EDARADD: variants seen among roughly 807,000 people sequenced by gnomAD.
EDARADD encodes ectodysplasin-A receptor-associated adapter protein.
EDARADD carries 20 observed loss-of-function variants against 25.6 expected under a neutral mutation model. The observed-to-expected ratio is 0.78, with a 90% CI of 0.55 to 1.14. The LOEUF (loss-of-function observed/expected upper bound fraction) is 1.14. Ranked by LOEUF, EDARADD falls within the 50% of genes most tolerant of loss-of-function variation. The pLI, the probability that EDARADD is intolerant of heterozygous loss-of-function variation, is 0.00. For missense variants in EDARADD, 225 were observed against 270.1 expected (o/e 0.83, Z 1.17); for synonymous variants, 86 against 94.4 (o/e 0.91, Z 0.52).
chr1:236,360,537 G>GATTTTTTTTT (rs1558100082), intron 3 of EDARADD, among the ~76,000 whole-genome samples: 1 of 131,266 alleles, frequency 7.6e-6, no homozygotes, highest in Non-Finnish European at 1.6e-5. Context: ...TTAATTCACG[G>GATTTTTTTTT]TTTTTTTTTT....
At chr1:236,380,485 G>A (rs903735430) in intron 3 of EDARADD, among the ~76,000 whole-genome samples, 1 of 152,004 alleles carries the variant, frequency 6.6e-6, no homozygotes, top group African/African-American at 2.4e-5. Flanking sequence ...GGACAGGGAA[G>A]GTCAAGACTT....
At chr1:236,467,044 C>T (rs937173439) in intron 4 of EDARADD, among the ~76,000 whole-genome samples, 16 of 151,078 alleles carry the variant, frequency 1.1e-4, no homozygotes, top group African/African-American at 2.7e-4. Flanking sequence ...CCAGCCTGGG[C>T]GACAGAGCAA....
chr1:236,464,441 T>TTTA (rs563835939), intron 4 of EDARADD, among the ~76,000 whole-genome samples: 4 of 126,370 alleles, frequency 3.2e-5, no homozygotes, highest in East Asian at 2.5e-4. Context: ...TTTTTTTTTT[T>TTTA]TTTTTTTTTG....
chr1:236,351,604 G>A (rs967707858), intron 3 of EDARADD, among the ~76,000 whole-genome samples: 3 of 151,946 alleles, frequency 2.0e-5, no homozygotes, highest in Admixed American at 6.6e-5. Context: ...CAGCTACTCG[G>A]GAGGCTGAGG....
At chr1:236,427,900 TTTA>T (rs1429580242) in intron 4 of EDARADD, among the ~76,000 whole-genome samples, 2 of 151,864 alleles carry the variant, frequency 1.3e-5, no homozygotes, top group African/African-American at 4.8e-5. Context: ...AGGAAATATG[TTTA>T]TTGTTTTATG....
rs377735780 is a variant in EDARADD at position 236,444,676 on chromosome 1, G to A, written c.219+17226G>A. 1.4e-4 allele frequency among the ~76,000 whole-genome samples: 21 copies of A among 152,216 alleles called. No individual in the cohort carries two copies. In the South Asian group the frequency reaches 2.3e-3, roughly 17 times the overall value. ...TGACCTCAGGTGATCCGCCCAACTCGGTCTCCCAAAGTGCTGGGATTATAG... is the reference window on the plus strand; with the variant it reads ...TGACCTCAGGTGATCCGCCCAACTCAGTCTCCCAAAGTGCTGGGATTATAG... On this transcript the variant is annotated intron_variant, in intron 4 of 5. Transcript: ENST00000334232.
At chr1:236,431,156 G>C (rs1252800881) in intron 4 of EDARADD, among the ~76,000 whole-genome samples, 3 of 152,108 alleles carry the variant, frequency 2.0e-5, no homozygotes, top group African/African-American at 7.2e-5. Context: ...CAAGCTGGAA[G>C]TATGTTCTTT....
At chr1:236,405,874 C>CTTCTTTCTTTCTTTCTTTCT (rs869205931) in intron 1 of EDARADD, among the ~76,000 whole-genome samples, 50 of 30,900 alleles carry the variant, frequency 1.6e-3, no homozygotes, top group East Asian at 6.8e-3. Context: ...TCCTTCCTTC[C>CTTCTTTCTTTCTTTCTTTCT]TTCTTTCTTT....
chr1:236,473,705 A>G (rs539992169), intron 5 of EDARADD, among the ~76,000 whole-genome samples: 1 of 151,512 alleles, frequency 6.6e-6, no homozygotes, highest in South Asian at 2.2e-4. Flanking sequence ...GCGTTGTTTG[A>G]ACCCGGGAGG....
chr1:236,374,614 G>A (rs1433913046), intron 3 of EDARADD, among the ~76,000 whole-genome samples: 1 of 152,024 alleles, frequency 6.6e-6, no homozygotes, highest in Non-Finnish European at 1.5e-5. Context: ...ATTAAGGATT[G>A]TTATGTCTTC....
chr1:236,475,760 G>A (rs1241123336), intron 5 of EDARADD, among the ~76,000 whole-genome samples: 2 of 150,914 alleles, frequency 1.3e-5, no homozygotes, highest in Admixed American at 6.6e-5. Flanking sequence ...GCAAGACTCC[G>A]TCTCAAAAAA....
At position 236,363,209 on chromosome 1, in the gene EDARADD, T is replaced by C. The variant is rs541219900; in HGVS notation, c.-6+12370T>C. Among the ~76,000 whole-genome samples, 18 of 150,974 alleles carry C rather than the reference T, an allele frequency of 1.2e-4. No homozygotes were observed. In the South Asian group the frequency reaches 2.7e-3, roughly 23 times the overall value. On this transcript the variant is annotated intron_variant, in intron 3 of 7. Transcript: ENST00000439430. ...TTTCTGACATCTCTACTCTCTTTCATTGATCCATGTGTCAATTTTTGTTTG... is the reference window on the plus strand; with the variant it reads ...TTTCTGACATCTCTACTCTCTTTCACTGATCCATGTGTCAATTTTTGTTTG...
At chr1:236,373,317 T>A (rs952624336) in intron 3 of EDARADD, among the ~76,000 whole-genome samples, 1 of 152,118 alleles carries the variant, frequency 6.6e-6, no homozygotes, top group African/African-American at 2.4e-5. Flanking sequence ...GCGATTCTCC[T>A]GCCTCAGCCT....
At chr1:236,369,895 T>G (rs1667156376) in intron 3 of EDARADD, among the ~76,000 whole-genome samples, 1 of 152,148 alleles carries the variant, frequency 6.6e-6, no homozygotes, top group African/African-American at 2.4e-5. Flanking sequence ...TCCTTGATGT[T>G]ATCATACTTC....
intron 3 of EDARADD, among the ~76,000 whole-genome samples, chr1:236,357,327 C>T (rs1406943622): frequency 6.6e-6 from 1 of 152,050 alleles, no homozygotes; most frequent in African/African-American, 2.4e-5. Flanking sequence ...GTTTGTGTTT[C>T]TATAAAGGAA....
At chr1:236,368,978 A>G (rs1227402352) in intron 3 of EDARADD, among the ~76,000 whole-genome samples, 1 of 152,094 alleles carries the variant, frequency 6.6e-6, no homozygotes, top group African/African-American at 2.4e-5. Flanking sequence ...ACAAATTTTT[A>G]GAGACAGAGT....
chr1:236,484,158 GT>G lies in EDARADD; in HGVS notation c.*1510del. The G allele has an allele frequency of 7.6e-7, 1 of 1,323,884 alleles. No individual in the cohort carries two copies. The highest frequency in any genetic ancestry group is 1.7e-5 in the Admixed American group (1 of 59,452). The allele number at this position is 1,323,884 out of a possible 1,614,324, so 82.0% of individuals were successfully genotyped here. ...CAACCCAAAGAGGACAGCCTCGGCC[GT>G]GAATGAGAAGAAGTGCAACTGCCTC... On this transcript the variant is annotated 3_prime_UTR_variant, in exon 6 of 6. Transcript: ENST00000334232. The surrounding 1 kb of genome is among the most constrained non-coding windows in gnomAD (Gnocchi z 4.1).
chr1:236,437,972 T>C (rs1407190292), intron 4 of EDARADD, among the ~76,000 whole-genome samples: 1 of 152,148 alleles, frequency 6.6e-6, no homozygotes, highest in Non-Finnish European at 1.5e-5. Flanking sequence ...GGTCTTGAAC[T>C]CCTGACCTCA....
chr1:236,463,372 C>A (rs1478865207), intron 4 of EDARADD, among the ~76,000 whole-genome samples: 1 of 152,214 alleles, frequency 6.6e-6, no homozygotes, highest in African/African-American at 2.4e-5. Context: ...TGGTTCACTG[C>A]AACCTCCGCC....
Sources: gnomAD v4.1 joint callset for allele counts (sites outside exome capture counted in the v4.1 genomes callset) on GRCh38, gnomAD v4.1.1 for gene constraint, Gnocchi (gnomAD v3.1) non-coding constraint, MANE v1.5 for transcripts, NCBI Gene and HGNC (gene_info 2026-07-23, HGNC 2026-07-21) for gene names.